The following DPYD variants were observed in gnomAD, a reference collection of about 807,000 sequenced individuals.
The protein encoded by DPYD is dihydropyrimidine dehydrogenase, also known as dihydropyrimidine dehydrogenase [NADP(+)].
DPYD carries 109 observed loss-of-function variants against 116.2 expected under a neutral mutation model. The observed-to-expected ratio is 0.94, with a 90% CI of 0.80 to 1.10. The LOEUF (loss-of-function observed/expected upper bound fraction) is 1.10. Among genes scored for constraint, DPYD ranks in the 50% least tolerant of loss-of-function variants. The pLI is 0.00. For synonymous variants in DPYD, 440 were observed against 432.0 expected, an observed-to-expected ratio of 1.02 and a Z score of -0.23; for missense variants, 1,302 against 1,254.5, an observed-to-expected ratio of 1.04 and a Z score of -0.57.
At chr1:97,858,965 A>T (rs1670983486) in intron 2 of DPYD, among the ~76,000 whole-genome samples, 2 of 152,120 alleles carry the variant, frequency 1.3e-5, no homozygotes, top group African/African-American at 2.4e-5. Flanking sequence ...CATAGAACTT[A>T]ATTTAACTAC....
chr1:97,264,785 C>T (rs1391345459), intron 18 of DPYD, among the ~76,000 whole-genome samples: 2 of 140,638 alleles, frequency 1.4e-5, no homozygotes, highest in Admixed American at 7.0e-5. Flanking sequence ...GGGACTCGAA[C>T]CTGGGTCTGC....
chr1:97,747,529 T>C (rs555107520), intron 3 of DPYD, among the ~76,000 whole-genome samples: 1 of 152,294 alleles, frequency 6.6e-6, no homozygotes, highest in South Asian at 2.1e-4. Flanking sequence ...CAGAGTTTCC[T>C]CTGTCTTGTA....
chr1:97,478,224 T>G lies in DPYD; in HGVS notation c.1741-28001A>C, dbSNP rs1271490869. 2.0e-5 allele frequency among the ~76,000 whole-genome samples: 3 copies of G among 152,178 alleles called. No individual in the cohort carries two copies. The East Asian group carries it at 5.8e-4, about 29-fold the overall frequency. The stretch of plus-strand genomic sequence containing the variant: ...CATGCTGTAAATAGATGTGCTGTCA[T>G]CCAAACTTCATTCTTCCAGTTAAAG... On this transcript the variant is annotated intron_variant, in intron 13 of 22. Transcript: ENST00000370192.
chr1:97,187,071 C>T (rs896371408), intron 20 of DPYD, among the ~76,000 whole-genome samples: 1 of 151,972 alleles, frequency 6.6e-6, no homozygotes. Context: ...GTAATGATGT[C>T]TTTTCCTTTG....
In DPYD at chr1:97,461,433, CATATT is replaced by C. The variant is rs555690151; in HGVS notation, c.1741-11215_1741-11211del. 2.1e-4 allele frequency among the ~76,000 whole-genome samples: 32 copies of C among 152,240 alleles called. No individual in the cohort carries two copies. In the East Asian group the frequency reaches 4.6e-3, roughly 22 times the overall value. On this transcript the variant is annotated intron_variant, in intron 13 of 22. Transcript: ENST00000370192. ...TTCCCTATAGAGGTAATTTCAAACT[CATATT>C]AAAGTCATTTCGGGCAACACACACC...
At chr1:97,266,120 C>T (rs555797464) in intron 18 of DPYD, among the ~76,000 whole-genome samples, 1 of 152,264 alleles carries the variant, frequency 6.6e-6, no homozygotes, top group East Asian at 1.9e-4. Flanking sequence ...ATCTAAGTTT[C>T]ACAATAATTA....
intron 1 of DPYD, among the ~76,000 whole-genome samples, chr1:97,918,635 A>G (rs528974765): frequency 6.6e-6 from 1 of 152,286 alleles, no homozygotes; most frequent in South Asian, 2.1e-4. Flanking sequence ...GCACCTTTAT[A>G]TATACCTCAA....
chr1:97,446,020 C>T (rs1278598337), intron 14 of DPYD, among the ~76,000 whole-genome samples: 4 of 152,262 alleles, frequency 2.6e-5, no homozygotes, highest in African/African-American at 9.6e-5. Flanking sequence ...AGCCACCACA[C>T]CCAGCCAATT....
intron 20 of DPYD, among the ~76,000 whole-genome samples, chr1:97,180,575 A>T (rs67665424): frequency 0.72 from 108,723 of 152,058 alleles, 40,065 homozygotes; most frequent in East Asian, 0.99. Context: ...TAATGATTTC[A>T]TTTTAAATCC....
At chr1:97,377,555 A>G (rs935935137) in intron 15 of DPYD, among the ~76,000 whole-genome samples, 1 of 152,234 alleles carries the variant, frequency 6.6e-6, no homozygotes, top group Non-Finnish European at 1.5e-5. Context: ...AATTCTTGGA[A>G]TATGACAGTG....
chr1:97,614,732 C>A (rs990413222), intron 8 of DPYD, among the ~76,000 whole-genome samples: 1 of 152,062 alleles, frequency 6.6e-6, no homozygotes, highest in Non-Finnish European at 1.5e-5. Context: ...TATGAATGTA[C>A]AGGATTATTT....
chr1:97,770,802 T>A (rs75861186), intron 3 of DPYD, among the ~76,000 whole-genome samples: 2,703 of 152,296 alleles, frequency 0.018, 83 homozygotes, highest in African/African-American at 0.062. Flanking sequence ...TACTAGTTCC[T>A]TAATATATCT....
chr1:97,870,972 A>G (rs1232042195), intron 2 of DPYD, among the ~76,000 whole-genome samples: 1 of 151,840 alleles, frequency 6.6e-6, no homozygotes. Context: ...AAACTCACAT[A>G]TTTATTTGCT....
intron 10 of DPYD, among the ~76,000 whole-genome samples, chr1:97,581,942 C>T (rs149654014): frequency 3.3e-4 from 50 of 152,136 alleles, no homozygotes; most frequent in African/African-American, 1.2e-3. Context: ...AGAAGGAAAG[C>T]AGCTTGGTTA....
intron 18 of DPYD, among the ~76,000 whole-genome samples, chr1:97,242,955 T>C (rs12125127): frequency 0.13 from 19,925 of 151,818 alleles, 1,399 homozygotes; most frequent in South Asian, 0.25. Flanking sequence ...AAAAAAGGGC[T>C]TATCCTATGT....
chr1:97,421,560 A>G (rs1273958489), intron 14 of DPYD, among the ~76,000 whole-genome samples: 1 of 152,176 alleles, frequency 6.6e-6, no homozygotes, highest in Non-Finnish European at 1.5e-5. Flanking sequence ...AGAGAATACA[A>G]GAGTGCCTAT....
intron 20 of DPYD, among the ~76,000 whole-genome samples, chr1:97,190,655 C>T (rs907186161): frequency 5.9e-5 from 9 of 152,168 alleles, no homozygotes; most frequent in Non-Finnish European, 7.3e-5. Context: ...TGAAGAAATG[C>T]TGGTTAGGCA....
At chr1:97,414,633 T>C (rs556068655) in intron 14 of DPYD, among the ~76,000 whole-genome samples, 2 of 152,346 alleles carry the variant, frequency 1.3e-5, no homozygotes, top group Admixed American at 6.5e-5. Context: ...TATATAGAAT[T>C]ACTCTGTCCC....
chr1:97,721,716 C>A (rs1178730679), intron 4 of DPYD, 45 bp from the exon 5 acceptor site: 23 of 1,555,478 alleles, frequency 1.5e-5, no homozygotes, highest in South Asian at 7.9e-5. Context: ...TAAAAATATA[C>A]TTTAAACAGC....
Sources: gnomAD v4.1 joint callset for allele counts (sites outside exome capture counted in the v4.1 genomes callset) on GRCh38, gnomAD v4.1.1 for gene constraint, MANE v1.5 for transcripts, NCBI Gene and HGNC (gene_info 2026-07-23, HGNC 2026-07-21) for gene names.